POLR1B: variants seen among roughly 807,000 people sequenced by gnomAD.
POLR1B encodes the protein DNA-directed RNA polymerase I subunit RPA2.
Under a neutral mutation model 105.8 loss-of-function variants are expected in POLR1B, and 30 were observed. The observed-to-expected ratio is 0.28, with a 90% CI of 0.21 to 0.38. The LOEUF (loss-of-function observed/expected upper bound fraction) is 0.38. POLR1B is among the 10% of genes least tolerant of loss of function. The pLI is 1.00. For synonymous variants in POLR1B, 485 were observed against 505.1 expected (o/e 0.96, Z 0.53); for missense variants, 976 against 1,435.8 (o/e 0.68, Z 5.17).
At position 112,542,674 on chromosome 2, in the gene POLR1B, GAGCGCGGCGTCCGCC is replaced by G. The variant is rs773737990; in HGVS notation, c.177+4_177+18del. ...AGGGTCTCGGCCTCGCGGTGCAGGT[GAGCGCGGCGTCCGCC>G]GGCGCCCTTGCCGCGGCGAGGCCAA... On this transcript the variant is annotated splice_donor_5th_base_variant and intron_variant, in intron 1 of 14. Coordinates refer to ENST00000263331, the MANE Select transcript of POLR1B (RefSeq NM_019014.6). The G allele has an allele frequency of 6.2e-7, 1 of 1,611,382 alleles. No individual in the cohort carries two copies. Among genetic ancestry groups the G allele is most frequent in the African/African-American group, 1.3e-5 (1 of 74,974 alleles).
At position 112,568,771 on chromosome 2, in the gene POLR1B, A is replaced by C. The variant is rs146305399; in HGVS notation, c.1943A>C (p.Glu648Ala). The C allele has an allele frequency of 1.2e-5, 20 of 1,614,062 alleles. 1 individual carries two copies. The highest frequency in any genetic ancestry group is 1.6e-5 in the Non-Finnish European group (19 of 1,179,996). ...ATCTTCATGAATGTCGCTATCTTTG[A>C]GGATGAAGTTTTTGCTGGAGTTACC... Reference protein sequence around the residue: ...EQIFMNVAIFEDEVFAGVTTH... With the variant: ...EQIFMNVAIFADEVFAGVTTH... The change falls in exon 12 of 15, where the codon GAG becomes GCG. Residue 648 changes from glutamate (E) to alanine (A), a missense_variant. Glu to Ala is a moderately radical substitution (Grantham distance 107). Coordinates refer to ENST00000263331, the MANE Select transcript of POLR1B (RefSeq NM_019014.6).
chr2:112,563,387 G>A (rs551579351), intron 9 of POLR1B, among the ~76,000 whole-genome samples: 128 of 152,236 alleles, frequency 8.4e-4, no homozygotes, highest in African/African-American at 2.7e-3. Flanking sequence ...ACAAGTTTGC[G>A]ACACCAATTG....
rs778516833 is a variant in POLR1B at position 112,574,926 on chromosome 2, A to G, written c.2605A>G (p.Ile869Val). Residue 869 changes from isoleucine (I) to valine (V), a missense_variant, in exon 15 of 15, where the codon ATC (isoleucine) becomes GTC (valine). Ile to Val is a conservative substitution (Grantham distance 29). Transcript: ENST00000263331. Reference sequence around the variant, plus strand: ...GAGTGGAAAATTCAAGTGTGTTTGCATCACTATGAGAGTGCCTCGGAACCC... The same window carrying G: ...GAGTGGAAAATTCAAGTGTGTTTGCGTCACTATGAGAGTGCCTCGGAACCC... ...TGSGKFKCVC[I>V]TMRVPRNPTI... 1 of 1,614,142 alleles carries G rather than the reference A, an allele frequency of 6.2e-7. No homozygotes were observed. The highest frequency in any genetic ancestry group is 8.5e-7 in the Non-Finnish European group (1 of 1,180,020).
At chr2:112,574,745 A>G in intron 14 of POLR1B, 102 bp from the exon 15 acceptor site, 2 of 779,554 alleles carry the variant, frequency 2.6e-6, no homozygotes, top group Non-Finnish European at 1.9e-6. Flanking sequence ...AAAAAAAAAA[A>G]GTTTTACAAA....
rs140039164 is a variant in POLR1B at position 112,546,918 on chromosome 2, A to C, written c.178-94A>C. 2.2e-6 allele frequency: 3 copies of C among 1,356,344 alleles called. No individual in the cohort carries two copies. In the East Asian group the frequency reaches 6.9e-5, roughly 31 times the overall value. The allele number at this position is 1,356,344 out of a possible 1,614,324, so 84.0% of individuals were successfully genotyped here. A position where few individuals can be genotyped will look rare whatever the true frequency, so the allele number is the denominator to read the frequency against. ...GGTGTGTCATGGTGGCATCACAGGC[A>C]TCAATGTTTGTAGAACACATAAGAT... On this transcript the variant is annotated intron_variant, in intron 1 of 14. Coordinates refer to ENST00000263331, the MANE Select transcript of POLR1B (RefSeq NM_019014.6).
rs767048101 is a variant in POLR1B at position 112,575,559 on chromosome 2, C to T, written c.3238C>T (p.Leu1080=). The change falls in exon 15 of 15, where the codon CTG becomes TTG. Residue 1080 remains leucine, a synonymous_variant. Transcript: ENST00000263331. The surrounding 1 kb of genome is among the most constrained non-coding windows in gnomAD (Gnocchi z 5.3). ...CVKCGSLLSP[L]LEKPPPSWSA... is the part of the protein sequence containing the mutation. ...GAAGTGTGGCAGTTTACTCTCTCCA[C>T]TGTTGGAGAAGCCACCCCCTTCTTG... is the stretch of plus-strand genomic sequence containing the variant. 3.1e-6 allele frequency: 5 copies of T among 1,614,172 alleles called. No homozygotes were observed. In the South Asian group the frequency reaches 4.4e-5, roughly 14 times the overall value.
In POLR1B at chr2:112,552,679, G is replaced by A; in HGVS notation, c.1021G>A (p.Glu341Lys). Residue 341 changes from glutamate (E) to lysine (K), a missense_variant, in exon 7 of 15, where the codon GAA (glutamate) becomes AAA (lysine). Transcript: ENST00000263331. ...CTGTATCCACTTGAAATCCAATACTGAAAAGTTTTATATGCTTTGTCTCAT... is the reference window on the plus strand; with the variant it reads ...CTGTATCCACTTGAAATCCAATACTAAAAAGTTTTATATGCTTTGTCTCAT... ...CICIHLKSNT[E>K]KFYMLCLMTR... 1 of 1,601,086 alleles carries A rather than the reference G, an allele frequency of 6.2e-7. No individual in the cohort carries two copies. Among genetic ancestry groups the A allele is most frequent in the South Asian group, 1.1e-5 (1 of 88,718 alleles).
intron 9 of POLR1B, among the ~76,000 whole-genome samples, chr2:112,559,936 A>C (rs1683885263): frequency 6.6e-6 from 1 of 152,034 alleles, no homozygotes; most frequent in Non-Finnish European, 1.5e-5. Context: ...GGCCAAGGTT[A>C]CGTGGTTTTT....
chr2:112,549,918 CATT>C (rs1683275441), intron 4 of POLR1B, among the ~76,000 whole-genome samples: 1 of 148,086 alleles, frequency 6.8e-6, no homozygotes, highest in East Asian at 2.1e-4. Flanking sequence ...TTGTGGAAAT[CATT>C]ATAATATATG....
At chr2:112,553,066 A>G (rs773590702) in intron 7 of POLR1B, among the ~76,000 whole-genome samples, 2 of 152,216 alleles carry the variant, frequency 1.3e-5, no homozygotes, top group Non-Finnish European at 2.9e-5. Flanking sequence ...ATAAAAAGCA[A>G]ATGGCCTGTA....
rs768820442 is a variant in POLR1B, at chr2:112,572,607, C to T, written c.2120C>T (p.Ser707Leu). ...CCACTTCTCACTTATCAAGACCGAT[C>T]GGATAACAAACTGTATCGTCTTCAG... ...GFPLLTYQDRSDNKLYRLQTP... is the reference protein window; with the variant it reads ...GFPLLTYQDRLDNKLYRLQTP... Residue 707 changes from serine to leucine, a missense_variant, in exon 13 of 15, where the codon TCG (serine) becomes TTG (leucine). Coordinates refer to ENST00000263331, the MANE Select transcript of POLR1B (RefSeq NM_019014.6). 10 of 1,609,466 alleles carry T rather than the reference C, an allele frequency of 6.2e-6. No homozygotes were observed. The highest frequency in any genetic ancestry group is 2.2e-5 in the South Asian group (2 of 90,068).
Position 112,579,208 on chromosome 2 carries a change from CAAAAAAAAAAAAAAAAAAAAA to C in POLR1B, c.*3491_*3511del, listed in dbSNP as rs56190123. The stretch of plus-strand genomic sequence containing the variant: ...GGGCAACAGAGCAAGACTAGAGTCT[CAAAAAAAAAAAAAAAAAAAAA>C]AAAAAAAAAAAGGAAAGCAAAATTG... On this transcript the variant is annotated 3_prime_UTR_variant, in exon 15 of 15. Coordinates refer to ENST00000263331, the MANE Select transcript of POLR1B (RefSeq NM_019014.6). Among the ~76,000 whole-genome samples the C allele has an allele frequency of 5.1e-5, 3 of 58,664 alleles. No homozygotes were observed. Among genetic ancestry groups the C allele is most frequent in the Admixed American group, 3.0e-4 (1 of 3,380 alleles). 38.5% of individuals were successfully genotyped at this position (58,664 alleles called of 152,430 possible).
chr2:112,574,153 C>CT (rs1182656323), intron 14 of POLR1B, among the ~76,000 whole-genome samples: 9 of 152,174 alleles, frequency 5.9e-5, no homozygotes, highest in Admixed American at 2.6e-4. Context: ...CCTATTTGTG[C>CT]TTTTTTTAAA....
intron 12 of POLR1B, 50 bp downstream of exon 12, chr2:112,568,952 T>C (rs1381884485): frequency 1.3e-6 from 2 of 1,533,984 alleles, no homozygotes; most frequent in Non-Finnish European, 1.8e-6. Flanking sequence ...GTAAACTTGA[T>C]ACTAGCACAC....
At chr2:112,542,245 A>G (rs1175988433), upstream of POLR1B, 7 of 1,534,968 alleles carry the variant, frequency 4.6e-6, no homozygotes, top group African/African-American at 5.5e-5. Context: ...GGGGCGGAAT[A>G]TGGGAGAAAG....
At chr2:112,547,610 G>C (rs768739569) in intron 3 of POLR1B, 43 bp downstream of exon 3, 1 of 1,584,892 alleles carries the variant, frequency 6.3e-7, no homozygotes, top group Non-Finnish European at 8.6e-7. Flanking sequence ...AGAAGGCCTG[G>C]GTTGGGAGTA....
At chr2:112,569,562 C>CT (rs1290911320) in intron 12 of POLR1B, among the ~76,000 whole-genome samples, 4,253 of 140,568 alleles carry the variant, frequency 0.03, 138 homozygotes, top group African/African-American at 0.085. Context: ...TAGTGTGTTT[C>CT]TTTTTTTTTT....
intron 7 of POLR1B, 148 bp downstream of exon 7, chr2:112,552,964 G>A: frequency 1.4e-6 from 1 of 719,228 alleles, no homozygotes; most frequent in Admixed American, 4.1e-5. Context: ...TTAGCAGTAA[G>A]GGGATCAGAA....
At chr2:112,542,709 G>T (rs1205380079) in intron 1 of POLR1B, 38 bp downstream of exon 1, 3 of 1,605,926 alleles carry the variant, frequency 1.9e-6, no homozygotes, top group Middle Eastern at 1.7e-4. Context: ...GCCGCGGCGA[G>T]GCCAATCCCA....
Sources: allele counts gnomAD v4.1 joint callset (sites outside exome capture counted in the v4.1 genomes callset), GRCh38; gene constraint gnomAD v4.1.1; non-coding constraint Gnocchi (gnomAD v3.1); transcripts MANE v1.5; gene names NCBI Gene and HGNC (gene_info 2026-07-23, HGNC 2026-07-21).